Variants in INVS observed in about 807,000 individuals in gnomAD.
INVS encodes the protein inversin, also known as inversion of embryo turning homolog.
Under a neutral mutation model 108.8 loss-of-function variants are expected in INVS, and 86 were observed. That is an observed-to-expected ratio of 0.79 (90% CI 0.66 to 0.95). The LOEUF (loss-of-function observed/expected upper bound fraction) is 0.95, where lower values mean the gene tolerates loss of function less well. Among genes scored for constraint, INVS ranks in the 40% least tolerant of loss-of-function variants. The probability of loss-of-function intolerance (pLI) is 0.00; values close to 1 mark genes in which losing one functional copy is unlikely to be tolerated. For synonymous variants in INVS, 455 were observed against 473.5 expected (o/e 0.96, Z 0.51); for missense variants, 1,169 against 1,297.4 (o/e 0.90, Z 1.52).
chr9:100,195,697 A>G (rs1830352715), intron 3 of INVS, among the ~76,000 whole-genome samples: 1 of 152,134 alleles, frequency 6.6e-6, no homozygotes, highest in Non-Finnish European at 1.5e-5. Context: ...CATGTTGGCC[A>G]GGCTAGTCTC....
At chr9:100,256,057 G>T (rs1022459688) in intron 10 of INVS, among the ~76,000 whole-genome samples, 2 of 152,114 alleles carry the variant, frequency 1.3e-5, no homozygotes, top group African/African-American at 4.8e-5. Context: ...ACATTTTTTG[G>T]TTGGTAGGCT....
At chr9:100,280,517 A>T (rs1046127440) in intron 12 of INVS, among the ~76,000 whole-genome samples, 15 of 152,154 alleles carry the variant, frequency 9.9e-5, no homozygotes, top group African/African-American at 3.6e-4. Context: ...AGAGAGTGAA[A>T]GGTGGGACTA....
intron 13 of INVS, among the ~76,000 whole-genome samples, chr9:100,291,245 G>A (rs2118755640): frequency 6.6e-6 from 1 of 152,058 alleles, no homozygotes; most frequent in East Asian, 1.9e-4. Context: ...CGTATTTTTA[G>A]TAGAGACGAG....
At chr9:100,279,354 G>A (rs1833209945) in intron 12 of INVS, among the ~76,000 whole-genome samples, 1 of 152,094 alleles carries the variant, frequency 6.6e-6, no homozygotes, top group Non-Finnish European at 1.5e-5. Flanking sequence ...CCATTACTTG[G>A]TTCAAGGGAA....
At chr9:100,150,746 T>C (rs113236831) in intron 3 of INVS, among the ~76,000 whole-genome samples, 2 of 152,200 alleles carry the variant, frequency 1.3e-5, no homozygotes, top group African/African-American at 2.4e-5. Context: ...ATTATTCCTA[T>C]AGTGTGAATA....
intron 10 of INVS, among the ~76,000 whole-genome samples, chr9:100,260,186 CTTTTTTTTTTT>C (rs372496395): frequency 3.9e-5 from 4 of 101,502 alleles, no homozygotes; most frequent in South Asian, 6.7e-4. Flanking sequence ...ATTTTCTTTT[CTTTTTTTTTTT>C]TTTTTTTTTG....
chr9:100,144,434 TA>T (rs1327282735), intron 3 of INVS, among the ~76,000 whole-genome samples: 1 of 152,126 alleles, frequency 6.6e-6, no homozygotes, highest in East Asian at 1.9e-4. Flanking sequence ...TTTGACCTTT[TA>T]GGGTCTAGGG....
intron 8 of INVS, among the ~76,000 whole-genome samples, chr9:100,247,494 C>T (rs892496659): frequency 1.2e-4 from 19 of 152,236 alleles, no homozygotes; most frequent in African/African-American, 4.1e-4. Context: ...CACATACCAC[C>T]ACAATAACAC....
At position 100,296,958 on chromosome 9, in the gene INVS, A is replaced by T; in HGVS notation, c.2828A>T (p.Lys943Met). ...RKHLSHLRHM[K>M]QLGAGDVDRW... ...CACCTGTCCCACCTTCGGCATATGA[A>T]GCAGCTTGGAGCTGGAGATGTGGAC... Residue 943 changes from lysine to methionine, a missense_variant, in exon 15 of 17, where the codon AAG becomes ATG. By Grantham distance (95) the Lys-to-Met change is moderately conservative. This residue lies in a region of INVS where 533 missense variants were observed against 536.0 expected (regional missense o/e 0.99). Coordinates refer to ENST00000262457, the MANE Select transcript of INVS (RefSeq NM_014425.5). 2 of 1,614,108 alleles carry T rather than the reference A, an allele frequency of 1.2e-6. No individual in the cohort carries two copies. Among genetic ancestry groups the T allele is most frequent in the Non-Finnish European group, 1.7e-6 (2 of 1,180,008 alleles).
intron 3 of INVS, among the ~76,000 whole-genome samples, chr9:100,217,861 A>G (rs1831036868): frequency 6.6e-6 from 1 of 152,194 alleles, no homozygotes; most frequent in South Asian, 2.1e-4. Flanking sequence ...TCCAAAACTC[A>G]TTTGTGTCTG....
At chr9:100,156,933 T>A (rs1418539045) in intron 3 of INVS, among the ~76,000 whole-genome samples, 2 of 113,944 alleles carry the variant, frequency 1.8e-5, no homozygotes, top group Non-Finnish European at 3.7e-5. Flanking sequence ...TATATATACA[T>A]ATATATATAT....
At chr9:100,293,452 G>C (rs1455996269) in intron 14 of INVS, among the ~76,000 whole-genome samples, 1 of 152,208 alleles carries the variant, frequency 6.6e-6, no homozygotes, top group Non-Finnish European at 1.5e-5. Flanking sequence ...GCTGGAATGA[G>C]ATAATGCACG....
At chr9:100,236,899 C>T (rs1302911638) in intron 5 of INVS, among the ~76,000 whole-genome samples, 1 of 152,228 alleles carries the variant, frequency 6.6e-6, no homozygotes, top group Non-Finnish European at 1.5e-5. Flanking sequence ...GTTGGGAGAT[C>T]TGCTGCTTTC....
At chr9:100,219,552 A>G (rs1369873581) in intron 3 of INVS, among the ~76,000 whole-genome samples, 1 of 152,236 alleles carries the variant, frequency 6.6e-6, no homozygotes, top group Non-Finnish European at 1.5e-5. Context: ...CATTACTGTT[A>G]TGAATGTTAA....
chr9:100,124,546 TAAA>T (rs55879793), intron 2 of INVS, among the ~76,000 whole-genome samples: 3 of 136,904 alleles, frequency 2.2e-5, no homozygotes, highest in Admixed American at 7.4e-5. Flanking sequence ...AGACCCTCAT[TAAA>T]AAAAAAAAAA....
rs577337326 is a variant in INVS at position 100,106,030 on chromosome 9, A to AT, written c.106+1409dup. ...CAGTACTTACTACTCATCATACCAC[A>AT]TTTTTTCTGTAATGAATGTTTCATA... is the stretch of plus-strand genomic sequence containing the variant. On this transcript the variant is annotated intron_variant, in intron 2 of 16. Transcript: ENST00000262457. 6.0e-5 allele frequency among the ~76,000 whole-genome samples: 9 copies of AT among 150,884 alleles called. No individual in the cohort carries two copies. In the South Asian group the frequency reaches 1.9e-3, roughly 32 times the overall value.
chr9:100,205,045 A>G (rs948194356), intron 3 of INVS, among the ~76,000 whole-genome samples: 9 of 152,074 alleles, frequency 5.9e-5, no homozygotes, highest in Non-Finnish European at 1.3e-4. Context: ...TAGGAAAGGG[A>G]TGTGGGGTGA....
At chr9:100,199,325 T>A (rs980522573) in intron 3 of INVS, among the ~76,000 whole-genome samples, 2 of 152,204 alleles carry the variant, frequency 1.3e-5, no homozygotes, top group African/African-American at 2.4e-5. Context: ...TTTTATCTAG[T>A]CTGACAATAT....
chr9:100,100,854 T>A (rs1289531476), intron 1 of INVS, among the ~76,000 whole-genome samples: 2 of 7,072 alleles, frequency 2.8e-4, no homozygotes, highest in Non-Finnish European at 4.1e-4. Context: ...ATAATATATG[T>A]ATATATAATA....
Sources: gnomAD v4.1 joint callset for allele counts (sites outside exome capture counted in the v4.1 genomes callset) on GRCh38, gnomAD v4.1.1 for gene constraint, gnomAD v4.1.1 regional missense constraint, MANE v1.5 for transcripts, NCBI Gene and HGNC (gene_info 2026-07-23, HGNC 2026-07-21) for gene names.